SH3RF3: variants seen among roughly 807,000 people sequenced by gnomAD.
The protein encoded by SH3RF3 is SH3 domain containing ring finger 3.
In SH3RF3, 29 loss-of-function variants were observed where a neutral mutation model predicts 66.3. The ratio of observed to expected loss-of-function variants is 0.44; its 90% confidence interval spans 0.33 to 0.60. The LOEUF (loss-of-function observed/expected upper bound fraction) is 0.60. SH3RF3 is among the 20% of genes least tolerant of loss of function. SH3RF3 has a pLI of 0.04. For synonymous variants in SH3RF3, 583 were observed against 532.0 expected (o/e 1.10, Z -1.32); for missense variants, 1,194 against 1,190.9 (o/e 1.00, Z -0.04).
rs945392506 is a variant in SH3RF3 at position 109,501,588 on chromosome 2, C to T, written c.2566C>T (p.Arg856Cys). Residue 856 changes from arginine (R) to cysteine (C), a missense_variant, in exon 10 of 10, where the codon CGT becomes TGT. Coordinates refer to ENST00000309415, the MANE Select transcript of SH3RF3 (RefSeq NM_001099289.3). ...CGACATCGTCTTTGTGCACAAGAAG[C>T]GTGAGGACGGCTGGTACAAGGGGAC... ...EGDIVFVHKK[R>C]EDGWYKGTLQ... 1.3e-5 allele frequency: 10 copies of T among 779,474 alleles called. No individual in the cohort carries two copies. Among genetic ancestry groups the T allele is most frequent in the East Asian group, 2.4e-5 (1 of 41,204 alleles). The allele number at this position is 779,474 out of a possible 1,614,324, so 48.3% of individuals were successfully genotyped here. A position where few individuals can be genotyped will look rare whatever the true frequency, so the allele number is the denominator to read the frequency against.
At chr2:109,399,601 C>G (rs1351915899) in intron 4 of SH3RF3, among the ~76,000 whole-genome samples, 5 of 152,016 alleles carry the variant, frequency 3.3e-5, no homozygotes, top group African/African-American at 1.2e-4. Flanking sequence ...GACCCTGTCT[C>G]TACAAGCAAC....
intron 1 of SH3RF3, among the ~76,000 whole-genome samples, chr2:109,190,805 A>G (rs1678334862): frequency 6.6e-6 from 1 of 152,014 alleles, no homozygotes; most frequent in Non-Finnish European, 1.5e-5. Flanking sequence ...CCCAGGCTCA[A>G]ATTAATCATT....
intron 1 of SH3RF3, among the ~76,000 whole-genome samples, chr2:109,184,704 C>T (rs1263400880): frequency 6.6e-6 from 1 of 152,206 alleles, no homozygotes; most frequent in Non-Finnish European, 1.5e-5. Context: ...CAGGAAGCAG[C>T]CTCTCCAAGT....
At position 109,238,494 on chromosome 2, in the gene SH3RF3, T is replaced by A. The variant is rs1161251571; in HGVS notation, c.573+108381T>A. ...GTGTGTGTGTGTGTGTGTGTGTGTG[T>A]GTGTGAGAGTGAGACAGAGCCTCAC... On this transcript the variant is annotated intron_variant, in intron 1 of 9. Transcript: ENST00000309415. 2.9e-5 allele frequency among the ~76,000 whole-genome samples: 4 copies of A among 136,140 alleles called. No homozygotes were observed. The East Asian group carries it at 7.1e-4, about 24-fold the overall frequency. 89.3% of individuals were successfully genotyped at this position (136,140 alleles called of 152,430 possible).
At chr2:109,135,578 G>A (rs1400543046) in intron 1 of SH3RF3, among the ~76,000 whole-genome samples, 2 of 152,194 alleles carry the variant, frequency 1.3e-5, no homozygotes, top group African/African-American at 2.4e-5. Flanking sequence ...GCACACCTCA[G>A]AGTGCCTGCT....
intron 3 of SH3RF3, among the ~76,000 whole-genome samples, chr2:109,383,631 C>T (rs1675752137): frequency 2.0e-5 from 3 of 152,160 alleles, no homozygotes; most frequent in Admixed American, 2.0e-4. Flanking sequence ...TTTCTGTAAC[C>T]ACCTGAATTC....
At chr2:109,346,757 A>G (rs1316247752) in intron 1 of SH3RF3, among the ~76,000 whole-genome samples, 1 of 152,208 alleles carries the variant, frequency 6.6e-6, no homozygotes, top group Non-Finnish European at 1.5e-5. Flanking sequence ...TTTCAGAGCT[A>G]GTCACGGTTT....
At chr2:109,473,075 G>A (rs1241108318) in intron 8 of SH3RF3, among the ~76,000 whole-genome samples, 4 of 152,198 alleles carry the variant, frequency 2.6e-5, no homozygotes, top group African/African-American at 9.7e-5. Context: ...TTTCAGATGC[G>A]AGTCCCAAGA....
At chr2:109,473,546 G>A (rs1017394047) in intron 8 of SH3RF3, among the ~76,000 whole-genome samples, 7 of 152,204 alleles carry the variant, frequency 4.6e-5, no homozygotes, top group African/African-American at 1.7e-4. Flanking sequence ...AGAGAGGAGA[G>A]AGAAATAAAC....
At chr2:109,461,789 C>A (rs1368212065) in intron 8 of SH3RF3, among the ~76,000 whole-genome samples, 2 of 152,254 alleles carry the variant, frequency 1.3e-5, no homozygotes, top group Non-Finnish European at 2.9e-5. Flanking sequence ...GCATCTTTCA[C>A]AGCAGCCTGG....
chr2:109,396,136 T>C (rs543300938), intron 3 of SH3RF3, among the ~76,000 whole-genome samples: 32 of 152,186 alleles, frequency 2.1e-4, no homozygotes, highest in Non-Finnish European at 3.2e-4. Context: ...CTATACCCTG[T>C]CAAGTGGGCA....
chr2:109,279,281 C>G (rs1030148531), intron 1 of SH3RF3, among the ~76,000 whole-genome samples: 5 of 152,292 alleles, frequency 3.3e-5, no homozygotes, highest in Non-Finnish European at 5.9e-5. Flanking sequence ...CTTTGTTCTT[C>G]CAAGGTTAAC....
chr2:109,334,495 G>A (rs1682361355), intron 1 of SH3RF3, among the ~76,000 whole-genome samples: 2 of 152,242 alleles, frequency 1.3e-5, no homozygotes, highest in East Asian at 1.9e-4. Context: ...TCGCAATAAG[G>A]GCACAGACTG....
At chr2:109,435,649 A>G (rs1254372017) in intron 6 of SH3RF3, among the ~76,000 whole-genome samples, 1 of 152,252 alleles carries the variant, frequency 6.6e-6, no homozygotes, top group East Asian at 1.9e-4. Context: ...CCATGAGGGC[A>G]GAGGGAAAGG....
chr2:109,202,645 G>A (rs1375218068), intron 1 of SH3RF3, among the ~76,000 whole-genome samples: 1 of 152,124 alleles, frequency 6.6e-6, no homozygotes, highest in Non-Finnish European at 1.5e-5. Context: ...AGGAACCTGG[G>A]TCCTGGGAAA....
intron 8 of SH3RF3, among the ~76,000 whole-genome samples, chr2:109,482,719 A>C (rs35935106): frequency 2.0e-4 from 30 of 151,782 alleles, no homozygotes; most frequent in African/African-American, 7.0e-4. Context: ...CCCTGCCTGC[A>C]CCTCCGGCTG....
intron 4 of SH3RF3, among the ~76,000 whole-genome samples, chr2:109,408,841 C>A (rs1361934080): frequency 6.6e-6 from 1 of 152,204 alleles, no homozygotes; most frequent in Non-Finnish European, 1.5e-5. Context: ...AGCCTCTGGC[C>A]TGATGGGTGC....
At chr2:109,216,564 C>A (rs1222279697) in intron 1 of SH3RF3, among the ~76,000 whole-genome samples, 1 of 152,186 alleles carries the variant, frequency 6.6e-6, no homozygotes. Flanking sequence ...GAACACACAG[C>A]CCGAAGCCTG....
At chr2:109,137,551 C>G (rs1177372780) in intron 1 of SH3RF3, among the ~76,000 whole-genome samples, 18 of 152,148 alleles carry the variant, frequency 1.2e-4, no homozygotes, top group African/African-American at 4.8e-5. Flanking sequence ...TTTTTGTTGG[C>G]CATCAAAGCA....
Sources: gnomAD v4.1 joint callset for allele counts (sites outside exome capture counted in the v4.1 genomes callset) on GRCh38, gnomAD v4.1.1 for gene constraint, MANE v1.5 for transcripts, NCBI Gene and HGNC (gene_info 2026-07-23, HGNC 2026-07-21) for gene names.